USP34: variants seen among roughly 807,000 people sequenced by gnomAD.
USP34 encodes ubiquitin specific peptidase 34, also known as ubiquitin carboxyl-terminal hydrolase 34.
A neutral mutation model predicts 460.3 loss-of-function variants in USP34; 70 were observed. The observed-to-expected ratio is 0.15, with a 90% CI of 0.13 to 0.19. The LOEUF (loss-of-function observed/expected upper bound fraction) is 0.19, where lower values mean the gene tolerates loss of function less well. Ranked by LOEUF, USP34 falls within the 10% of genes least tolerant of loss-of-function variation. The pLI is 1.00. For missense variants in USP34, 3,985 were observed against 4,236.2 expected (o/e 0.94, Z 1.65); for synonymous variants, 1,647 against 1,405.3 (o/e 1.17, Z -3.85).
At chr2:61,282,615 C>A (rs1558508344) in intron 37 of USP34, among the ~76,000 whole-genome samples, 1 of 151,932 alleles carries the variant, frequency 6.6e-6, no homozygotes, top group Admixed American at 6.6e-5. Flanking sequence ...ACAGCGAGAC[C>A]CCGTCTCTAC....
intron 1 of USP34, among the ~76,000 whole-genome samples, chr2:61,447,817 G>T (rs565913844): frequency 1.3e-5 from 2 of 152,284 alleles, no homozygotes; most frequent in East Asian, 3.9e-4. Flanking sequence ...CTGGGATCAA[G>T]CCATTCTCCT....
chr2:61,464,505 T>C (rs1181269348), intron 1 of USP34, among the ~76,000 whole-genome samples: 1 of 152,192 alleles, frequency 6.6e-6, no homozygotes, highest in African/African-American at 2.4e-5. Flanking sequence ...CTCTTGCCTA[T>C]CTCACATGAA....
chr2:61,290,623 C>A (rs541369831), intron 33 of USP34, among the ~76,000 whole-genome samples: 11 of 152,180 alleles, frequency 7.2e-5, no homozygotes, highest in African/African-American at 2.2e-4. Flanking sequence ...TCTATTGTAA[C>A]ACAAAGTGGA....
chr2:61,346,104 GA>G lies in USP34; in HGVS notation c.2285+1765del, dbSNP rs543575828. Among the ~76,000 whole-genome samples the G allele has an allele frequency of 3.0e-3, 449 of 152,076 alleles. 1 individual carries two copies. The highest frequency in any genetic ancestry group is 4.8e-3 in the Non-Finnish European group (325 of 68,002). ...TTTCCCTTTCTTAATCACAATTTAG[GA>G]AAGTTTCCATAAGCACTCATATCTT... On this transcript the variant is annotated intron_variant, in intron 15 of 79. Coordinates refer to ENST00000398571, the MANE Select transcript of USP34 (RefSeq NM_014709.4).
At chr2:61,324,002 A>G (rs1433896697) in intron 21 of USP34, among the ~76,000 whole-genome samples, 1 of 152,254 alleles carries the variant, frequency 6.6e-6, no homozygotes, top group Non-Finnish European at 1.5e-5. Flanking sequence ...TAAACACAGT[A>G]TATCTCAAGC....
chr2:61,289,023 T>C lies in USP34; in HGVS notation c.4549-146A>G, dbSNP rs1002484193. ...TATAAAAATTCTGCTGCTCAAATAT[T>C]ATGGTCAGTACCAATTCAATCTTAT... is the stretch of plus-strand genomic sequence containing the variant. On this transcript the variant is annotated intron_variant, in intron 33 of 79. Coordinates refer to ENST00000398571, the MANE Select transcript of USP34 (RefSeq NM_014709.4). 4 of 766,140 alleles carry C rather than the reference T, an allele frequency of 5.2e-6. No individual in the cohort carries two copies. In the East Asian group the frequency reaches 1.1e-4, roughly 21 times the overall value. The allele number at this position is 766,140 out of a possible 1,614,324, so 47.5% of individuals were successfully genotyped here.
chr2:61,261,528 T>C (rs901331004), intron 43 of USP34, among the ~76,000 whole-genome samples: 4 of 152,168 alleles, frequency 2.6e-5, no homozygotes, highest in African/African-American at 9.7e-5. Context: ...GTTAAGTGTT[T>C]AACAAGTTTC....
intron 1 of USP34, among the ~76,000 whole-genome samples, chr2:61,454,716 A>AT (rs1218456242): frequency 2.0e-5 from 3 of 150,324 alleles, no homozygotes. Flanking sequence ...CACCCAGCTT[A>AT]TTTTTTTATT....
chr2:61,363,697 C>T (rs1692338790), intron 10 of USP34, among the ~76,000 whole-genome samples: 1 of 152,074 alleles, frequency 6.6e-6, no homozygotes, highest in Non-Finnish European at 1.5e-5. Context: ...GGTTATACAA[C>T]ACATGACTGT....
intron 10 of USP34, among the ~76,000 whole-genome samples, chr2:61,367,626 T>A (rs952753664): frequency 6.6e-6 from 1 of 152,144 alleles, no homozygotes; most frequent in African/African-American, 2.4e-5. Context: ...TCTCTATATC[T>A]CCATCACTAA....
intron 57 of USP34, among the ~76,000 whole-genome samples, chr2:61,235,001 T>C (rs761161880): frequency 3.9e-5 from 6 of 152,152 alleles, no homozygotes; most frequent in East Asian, 1.9e-4. Context: ...AGTTATAATA[T>C]TGTATTGTTT....
At chr2:61,460,812 G>C (rs1247142875) in intron 1 of USP34, among the ~76,000 whole-genome samples, 3 of 151,876 alleles carry the variant, frequency 2.0e-5, no homozygotes, top group African/African-American at 7.3e-5. Context: ...GAGAAACTCT[G>C]TCTCTACTAA....
chr2:61,374,654 G>C (rs1281257368), intron 8 of USP34, among the ~76,000 whole-genome samples: 1 of 151,434 alleles, frequency 6.6e-6, no homozygotes, highest in Non-Finnish European at 1.5e-5. Flanking sequence ...CTGTTGCCCA[G>C]GCCGAAGTGC....
At chr2:61,415,543 C>T (rs1217601080) in intron 2 of USP34, among the ~76,000 whole-genome samples, 2 of 152,018 alleles carry the variant, frequency 1.3e-5, no homozygotes, top group Non-Finnish European at 2.9e-5. Flanking sequence ...TAGGTTACAC[C>T]TAAAATTGAT....
intron 1 of USP34, among the ~76,000 whole-genome samples, chr2:61,454,236 T>C (rs570247995): frequency 6.6e-6 from 1 of 152,180 alleles, no homozygotes; most frequent in South Asian, 2.1e-4. Context: ...GTGATTCTCC[T>C]GCCTCTGCCT....
At chr2:61,432,570 A>G (rs1694708612) in intron 1 of USP34, among the ~76,000 whole-genome samples, 2 of 151,472 alleles carry the variant, frequency 1.3e-5, no homozygotes, top group South Asian at 2.1e-4. Context: ...TTTGAGCTCA[A>G]GAGTTCTAGG....
chr2:61,395,238 T>C lies in USP34; in HGVS notation c.553-5A>G. The C allele has an allele frequency of 6.9e-7, 1 of 1,438,876 alleles. No individual in the cohort carries two copies. Among genetic ancestry groups the C allele is most frequent in the Non-Finnish European group, 9.6e-7 (1 of 1,045,190 alleles). 89.1% of individuals were successfully genotyped at this position (1,438,876 alleles called of 1,614,324 possible). On this transcript the variant is annotated splice_polypyrimidine_tract_variant and splice_region_variant and intron_variant, in intron 3 of 79. Coordinates refer to ENST00000398571, the MANE Select transcript of USP34 (RefSeq NM_014709.4). ...ACTTTCTTGAGTTGATATATCCTAA[T>C]TAAAAAAAAAAAAGCAAGTAAAATT...
At chr2:61,265,140 G>A (rs968756363) in intron 43 of USP34, 4 of 304,406 alleles carry the variant, frequency 1.3e-5, no homozygotes, top group South Asian at 9.4e-5. Flanking sequence ...CTGACAACAT[G>A]ATATTCATTG....
chr2:61,199,005 T>A (rs546037816), intron 75 of USP34, among the ~76,000 whole-genome samples: 11 of 152,304 alleles, frequency 7.2e-5, no homozygotes, highest in African/African-American at 2.2e-4. Flanking sequence ...TCCTAAAAAT[T>A]TGGTATATAT....
Sources: allele counts gnomAD v4.1 joint callset (sites outside exome capture counted in the v4.1 genomes callset), GRCh38; gene constraint gnomAD v4.1.1; transcripts MANE v1.5; gene names NCBI Gene and HGNC (gene_info 2026-07-23, HGNC 2026-07-21).